The following TUBB8 variants were observed in gnomAD, a reference collection of about 807,000 sequenced individuals.
The protein encoded by TUBB8 is tubulin beta 8 class VIII.
Under a neutral mutation model 33.7 loss-of-function variants are expected in TUBB8, and 25 were observed. That is an observed-to-expected ratio of 0.74 (90% confidence interval 0.54 to 1.04). The LOEUF (loss-of-function observed/expected upper bound fraction) is 1.04. Ranked by LOEUF, TUBB8 falls within the 50% of genes least tolerant of loss-of-function variation. The pLI is 0.00. For synonymous variants in TUBB8, 245 were observed against 240.1 expected, an observed-to-expected ratio of 1.02 and a Z score of -0.19; for missense variants, 279 against 608.0, an observed-to-expected ratio of 0.46 and a Z score of 5.69.
chr10:62,394 T>G (rs1554741022), intron 1 of TUBB8, among the ~76,000 whole-genome samples: 1 of 152,230 alleles, frequency 6.6e-6, no homozygotes, highest in Non-Finnish European at 1.5e-5. Flanking sequence ...ACTCTACACT[T>G]TAACTCCATT....
At chr10:76,602 A>T (rs1461591664), upstream of TUBB8, among the ~76,000 whole-genome samples, 4 of 150,454 alleles carry the variant, frequency 2.7e-5, no homozygotes, top group Non-Finnish European at 5.9e-5. Context: ...TGGACGCCCC[A>T]CGCCGCCGCC....
At chr10:73,626 A>G (rs2130954724) in intron 1 of TUBB8, among the ~76,000 whole-genome samples, 1 of 151,782 alleles carries the variant, frequency 6.6e-6, no homozygotes, top group South Asian at 2.1e-4. Context: ...CTGGGAAACA[A>G]GAGCGAAAGT....
chr10:70,660 C>T (rs1192207306), intron 1 of TUBB8, among the ~76,000 whole-genome samples: 2 of 151,524 alleles, frequency 1.3e-5, no homozygotes, highest in Non-Finnish European at 2.9e-5. Context: ...GCCAACATGG[C>T]AAAACCCAGT....
In TUBB8 at chr10:48,071, G is replaced by A. The variant is rs782307404; in HGVS notation, c.321C>T (p.Thr107=). 5.8e-5 allele frequency: 92 copies of A among 1,573,696 alleles called. No individual in the cohort carries two copies. The highest frequency in any genetic ancestry group is 7.4e-5 in the Non-Finnish European group (86 of 1,155,556). ...AGNNWAKGHY[T]EGAELMESVM... is the part of the protein sequence containing the mutation. ...CTGACTCCATCAGCTCCGCGCCTTCGGTGTAGTGTCCCTTGGCCCAGTTGT... is the reference window on the plus strand; with the variant it reads ...CTGACTCCATCAGCTCCGCGCCTTCAGTGTAGTGTCCCTTGGCCCAGTTGT... The change falls in exon 4 of 4, where the codon ACC becomes ACT. Residue 107 remains threonine (T), a synonymous_variant. Coordinates refer to ENST00000568584, the MANE Select transcript of TUBB8 (RefSeq NM_177987.3).
chr10:68,714 C>A (rs565575472), intron 1 of TUBB8, among the ~76,000 whole-genome samples: 2 of 152,358 alleles, frequency 1.3e-5, no homozygotes, highest in South Asian at 4.1e-4. Context: ...ACAAAACACT[C>A]CAGTGTATTT....
At chr10:70,133 G>T (rs1834717818) in intron 1 of TUBB8, among the ~76,000 whole-genome samples, 1 of 152,120 alleles carries the variant, frequency 6.6e-6, no homozygotes, top group South Asian at 2.1e-4. Flanking sequence ...CCTGCAAAAG[G>T]TGTTGTGTTA....
At chr10:71,928 T>C (rs1834741658) in intron 1 of TUBB8, among the ~76,000 whole-genome samples, 1 of 141,792 alleles carries the variant, frequency 7.1e-6, no homozygotes, top group Non-Finnish European at 1.5e-5. Context: ...AAAAAATCAA[T>C]CAATAAAAAT....
At chr10:53,713 A>G (rs1364429748), upstream of TUBB8, among the ~76,000 whole-genome samples, 2 of 152,266 alleles carry the variant, frequency 1.3e-5, no homozygotes, top group East Asian at 3.9e-4. Flanking sequence ...ACTGAGAGCT[A>G]TGGCTCAGGA....
upstream of TUBB8, among the ~76,000 whole-genome samples, chr10:51,010 A>T (rs1834462182): frequency 6.6e-6 from 1 of 152,224 alleles, no homozygotes; most frequent in Non-Finnish European, 1.5e-5. Flanking sequence ...CTTATCTTGA[A>T]TTGTAGCTCC....
intron 1 of TUBB8, among the ~76,000 whole-genome samples, chr10:69,594 G>A (rs1281896529): frequency 4.4e-4 from 67 of 151,792 alleles, no homozygotes; most frequent in Non-Finnish European, 8.7e-4. Flanking sequence ...AGTGTTGAAC[G>A]AAAGGCAAAT....
downstream of TUBB8, chr10:46,867 G>A: frequency 2.0e-6 from 1 of 491,456 alleles, no homozygotes; most frequent in African/African-American, 2.2e-5. Flanking sequence ...AGGGCCCATA[G>A]AAAGAAGATG....
chr10:47,536 C>T lies in TUBB8; in HGVS notation c.856G>A (p.Val286Met). 1 of 1,612,096 alleles carries T rather than the reference C, an allele frequency of 6.2e-7. No individual in the cohort carries two copies. Among genetic ancestry groups the T allele is most frequent in the East Asian group, 2.2e-5 (1 of 44,882 alleles). ...RGSQQYRALTVAELTQQMFDA... is the reference protein window; with the variant it reads ...RGSQQYRALTMAELTQQMFDA... ...AACATCTGCTGGGTAAGCTCAGCCA[C>T]AGTCAAGGCCCGGTACTGCTGGCTG... Residue 286 changes from valine (V) to methionine (M), a missense_variant, in exon 4 of 4, where the codon GTG (valine) becomes ATG (methionine). Physicochemically the swap from Val to Met is conservative, Grantham distance 21. This residue lies in a region of TUBB8 where 123 missense variants were observed against 228.9 expected (regional missense o/e 0.54). Transcript: ENST00000568584.
At chr10:59,114 T>G (rs1834567113) in intron 1 of TUBB8, among the ~76,000 whole-genome samples, 4 of 152,252 alleles carry the variant, frequency 2.6e-5, no homozygotes, top group Admixed American at 1.3e-4. Flanking sequence ...TACCCAGTTT[T>G]CAAAGGGTTT....
At chr10:58,275 C>T (rs1466300865) in intron 1 of TUBB8, among the ~76,000 whole-genome samples, 4 of 152,216 alleles carry the variant, frequency 2.6e-5, no homozygotes, top group Non-Finnish European at 5.9e-5. Context: ...TTAAGAAAAT[C>T]TCAACTTTCC....
chr10:71,578 A>C lies in TUBB8; in HGVS notation c.-846+2391T>G, dbSNP rs146403819. On this transcript the variant is annotated intron_variant, in intron 1 of 3. Coordinates refer to the TUBB8 transcript ENST00000564130. Reference sequence around the variant, plus strand: ...AGAGGTTGCAGTGAGCCGAGATCTCACCATTGCACTCCAGCCTGAGAAGAA... The same window carrying C: ...AGAGGTTGCAGTGAGCCGAGATCTCCCCATTGCACTCCAGCCTGAGAAGAA... Among the ~76,000 whole-genome samples, 99 of 151,878 alleles carry C rather than the reference A, an allele frequency of 6.5e-4. No homozygotes were observed. In the East Asian group the frequency reaches 0.017, roughly 26 times the overall value.
chr10:48,932 A>C lies in TUBB8; in HGVS notation c.58-20T>G, dbSNP rs11251920. ...CCAGAACTGCAAGAGACGGGAGGAGACAGACAGGCCGGGGCTGAGTCAGGG... is the reference window on the plus strand; with the variant it reads ...CCAGAACTGCAAGAGACGGGAGGAGCCAGACAGGCCGGGGCTGAGTCAGGG... On this transcript the variant is annotated intron_variant, in intron 1 of 3. Coordinates refer to ENST00000568584, the MANE Select transcript of TUBB8 (RefSeq NM_177987.3). The C allele has an allele frequency of 0.52, 719,109 of 1,383,126 alleles. 191,726 individuals are homozygous for C. Among genetic ancestry groups the C allele is most frequent in the African/African-American group, 0.57 (39,690 of 69,260 alleles). 85.7% of individuals were successfully genotyped at this position (1,383,126 alleles called of 1,614,324 possible).
chr10:50,567 C>G (rs1834454649), upstream of TUBB8, among the ~76,000 whole-genome samples: 1 of 152,150 alleles, frequency 6.6e-6, no homozygotes, highest in South Asian at 2.1e-4. Context: ...ATTATACTCA[C>G]TTTTTGGCAG....
intron 1 of TUBB8, among the ~76,000 whole-genome samples, chr10:65,664 G>A (rs1296021793): frequency 6.6e-6 from 1 of 152,232 alleles, no homozygotes; most frequent in African/African-American, 2.4e-5. Flanking sequence ...GCCAGAGGTT[G>A]CAGTGAGCCG....
At chr10:57,130 C>A (rs1308744130) in intron 1 of TUBB8, among the ~76,000 whole-genome samples, 1 of 152,224 alleles carries the variant, frequency 6.6e-6, no homozygotes, top group Non-Finnish European at 1.5e-5. Flanking sequence ...CTCTATGTCC[C>A]ATTTCCAGGG....
Sources: gnomAD v4.1 joint callset for allele counts (sites outside exome capture counted in the v4.1 genomes callset) on GRCh38, gnomAD v4.1.1 for gene constraint, gnomAD v4.1.1 regional missense constraint, MANE v1.5 for transcripts, NCBI Gene and HGNC (gene_info 2026-07-23, HGNC 2026-07-21) for gene names.